CMIP: variants seen among roughly 807,000 people sequenced by gnomAD.
The protein encoded by CMIP is C-Maf-inducing protein.
In CMIP, 13 loss-of-function variants were observed where a neutral mutation model predicts 97.3. That is an observed-to-expected ratio of 0.13 (90% CI 0.09 to 0.21). CMIP has a LOEUF of 0.21. Among genes scored for constraint, CMIP ranks in the 10% least tolerant of loss-of-function variants. The probability of loss-of-function intolerance (pLI) is 1.00; values close to 1 mark genes in which losing one functional copy is unlikely to be tolerated. For synonymous variants in CMIP, 538 were observed against 436.3 expected, an observed-to-expected ratio of 1.23 and a Z score of -2.91; for missense variants, 847 against 1,024.9, an observed-to-expected ratio of 0.83 and a Z score of 2.37.
chr16:81,492,906 C>G (rs1185397737), intron 1 of CMIP, among the ~76,000 whole-genome samples: 1 of 151,966 alleles, frequency 6.6e-6, no homozygotes, highest in African/African-American at 2.4e-5. Flanking sequence ...CCCAGAAAGA[C>G]AGACACACAG....
chr16:81,450,749 A>G (rs777881315), intron 1 of CMIP, among the ~76,000 whole-genome samples: 11 of 152,234 alleles, frequency 7.2e-5, no homozygotes, highest in Non-Finnish European at 1.3e-4. Context: ...GGCGTAGTCT[A>G]GTTTCTTAAA....
At chr16:81,589,404 G>A (rs972877901) in intron 1 of CMIP, among the ~76,000 whole-genome samples, 7 of 151,986 alleles carry the variant, frequency 4.6e-5, no homozygotes, top group Non-Finnish European at 1.0e-4. Flanking sequence ...GCCTTGTCTT[G>A]CTTTTCAACA....
intron 1 of CMIP, among the ~76,000 whole-genome samples, chr16:81,577,813 C>T (rs1366727073): frequency 7.2e-6 from 1 of 139,210 alleles, no homozygotes; most frequent in African/African-American, 3.1e-5. Flanking sequence ...ACCGTCATCC[C>T]CATTACCACT....
intron 4 of CMIP, among the ~76,000 whole-genome samples, chr16:81,654,862 CA>C (rs2092465935): frequency 6.6e-6 from 1 of 150,670 alleles, no homozygotes; most frequent in Non-Finnish European, 1.5e-5. Flanking sequence ...GACTTTCTGG[CA>C]AGTATGTAAC....
intron 1 of CMIP, among the ~76,000 whole-genome samples, chr16:81,585,170 T>G (rs958096524): frequency 6.6e-6 from 1 of 152,184 alleles, no homozygotes; most frequent in African/African-American, 2.4e-5. Context: ...GGCAAAACCC[T>G]GTCTCTACTA....
rs1411695532 is a variant in CMIP, at chr16:81,445,203, C to A, written c.-39C>A. ...CGCCGCCCCAGCAGCCCAGGACAGC[C>A]CCCTCTCCCCGCCCCCAGCCCCCTC... On this transcript the variant is annotated 5_prime_UTR_variant, in exon 1 of 21. Transcript: ENST00000537098. 16 of 1,405,436 alleles carry A rather than the reference C, an allele frequency of 1.1e-5. No individual in the cohort carries two copies. Among genetic ancestry groups the A allele is most frequent in the Middle Eastern group, 5.1e-4 (2 of 3,956 alleles). 87.1% of individuals were successfully genotyped at this position (1,405,436 alleles called of 1,614,324 possible). A position where few individuals can be genotyped will look rare whatever the true frequency, so the allele number is the denominator to read the frequency against.
chr16:81,455,315 T>A (rs1391444754), intron 1 of CMIP, among the ~76,000 whole-genome samples: 1 of 152,186 alleles, frequency 6.6e-6, no homozygotes, highest in Non-Finnish European at 1.5e-5. Context: ...TTATCAGTGA[T>A]CCGTACAACC....
intron 2 of CMIP, among the ~76,000 whole-genome samples, chr16:81,613,328 C>G: frequency 7.1e-6 from 1 of 141,596 alleles, no homozygotes; most frequent in South Asian, 2.2e-4. Context: ...CAGAGGAGCT[C>G]AGATGCATTG....
chr16:81,691,529 G>T, intron 10 of CMIP: 2 of 568,990 alleles, frequency 3.5e-6, no homozygotes, highest in South Asian at 4.1e-5. Flanking sequence ...GTGAAGTCTG[G>T]GGAATAGACA....
intron 1 of CMIP, among the ~76,000 whole-genome samples, chr16:81,532,918 T>C (rs2150825637): frequency 6.6e-6 from 1 of 152,268 alleles, no homozygotes; most frequent in African/African-American, 2.4e-5. Flanking sequence ...GGCTGCCTCC[T>C]TGGACACGCC....
intron 1 of CMIP, among the ~76,000 whole-genome samples, chr16:81,596,001 A>C (rs2150925454): frequency 6.6e-6 from 1 of 152,292 alleles, no homozygotes; most frequent in East Asian, 1.9e-4. Context: ...TAGTGGTGTA[A>C]GCAGGTTTCA....
chr16:81,648,272 T>A (rs970327687), intron 3 of CMIP, among the ~76,000 whole-genome samples: 1 of 151,958 alleles, frequency 6.6e-6, no homozygotes, highest in Non-Finnish European at 1.5e-5. Flanking sequence ...CCTTTCTAGC[T>A]GCTTGACTCT....
At chr16:81,607,754 T>C (rs1433102713) in intron 2 of CMIP, 62 bp downstream of exon 2, 2 of 1,574,914 alleles carry the variant, frequency 1.3e-6, no homozygotes, top group African/African-American at 2.7e-5. Flanking sequence ...CTTGTGCCCC[T>C]CGTTTCCCTT....
At position 81,705,592 on chromosome 16, in the gene CMIP, C is replaced by G. The variant is rs1908040360; in HGVS notation, c.2185C>G (p.Leu729Val). Residue 729 changes from leucine to valine, a missense_variant, in exon 19 of 21, where the codon CTG becomes GTG. Leu to Val is a conservative substitution (Grantham distance 32). Around this residue, in one of 4 missense-constraint regions of CMIP, gnomAD observed 266 missense variants for 384.2 expected, o/e 0.69. Coordinates refer to ENST00000537098, the MANE Select transcript of CMIP (RefSeq NM_198390.3). ...GACCCCGGTCACAGACGCTGGCCTG[C>G]TGGCCCTGAGCTGTGAGTGCCTCCG... Reference protein sequence around the residue: ...CETPVTDAGLLALSSMKSLCS... With the variant: ...CETPVTDAGLVALSSMKSLCS... 6.2e-7 allele frequency: 1 copy of G among 1,601,380 alleles called. No individual in the cohort carries two copies. The highest frequency in any genetic ancestry group is 1.3e-5 in the African/African-American group (1 of 74,730).
At chr16:81,702,122 A>T (rs1353830487) in intron 16 of CMIP, among the ~76,000 whole-genome samples, 2 of 152,076 alleles carry the variant, frequency 1.3e-5, no homozygotes, top group Non-Finnish European at 2.9e-5. Flanking sequence ...TTGCTGAAGG[A>T]CTTTGTATGT....
At chr16:81,645,226 T>A (rs2092350520) in intron 3 of CMIP, 1 of 462,544 alleles carries the variant, frequency 2.2e-6, no homozygotes, top group Non-Finnish European at 3.4e-6. Flanking sequence ...TGGAAAAAGT[T>A]TTCAAAGCCG....
chr16:81,537,554 A>C lies in CMIP; in HGVS notation c.301-70013A>C, dbSNP rs1430062648. On this transcript the variant is annotated intron_variant, in intron 1 of 20. Transcript: ENST00000537098. Reference sequence around the variant, plus strand: ...CGTCTCCAAAAAAAAGACAAAAAAAAAAAAAAAAAAAAAAAAAGACCCAAA... The same window carrying C: ...CGTCTCCAAAAAAAAGACAAAAAAACAAAAAAAAAAAAAAAAAGACCCAAA... 8.9e-5 allele frequency among the ~76,000 whole-genome samples: 12 copies of C among 134,468 alleles called. No homozygotes were observed. The South Asian group carries it at 2.2e-3, about 25-fold the overall frequency. 88.2% of individuals were successfully genotyped at this position (134,468 alleles called of 152,430 possible). A position where few individuals can be genotyped will look rare whatever the true frequency, so the allele number is the denominator to read the frequency against.
rs886440643 is a variant in CMIP at position 81,627,855 on chromosome 16, C to T, written c.477+6929C>T. Among the ~76,000 whole-genome samples the T allele has an allele frequency of 2.0e-5, 3 of 152,148 alleles. No individual in the cohort carries two copies. The highest frequency in any genetic ancestry group is 7.2e-5 in the African/African-American group (3 of 41,422). ...TTCCATGTTCTGTGTTGGGAGCTGG[C>T]GCTGGGGGACCACAACCCTCAAAGT... On this transcript the variant is annotated intron_variant, in intron 3 of 20. Coordinates refer to ENST00000537098, the MANE Select transcript of CMIP (RefSeq NM_198390.3). The surrounding 1 kb of genome is among the most constrained non-coding windows in gnomAD (Gnocchi z 4.6).
In CMIP at chr16:81,655,208, C is replaced by T. The variant is rs918491126; in HGVS notation, c.640-2567C>T. ...AAAACAAACATCTGCCTTCGACCTC[C>T]GTGCCCTGTTTTGGGGCTGGGTTGT... is the stretch of plus-strand genomic sequence containing the variant. On this transcript the variant is annotated intron_variant, in intron 4 of 20. Transcript: ENST00000537098. This position sits in a 1 kb window ranked among gnomAD's most constrained non-coding sequence, Gnocchi z 4.9. Among the ~76,000 whole-genome samples, 4 of 152,150 alleles carry T rather than the reference C, an allele frequency of 2.6e-5. No individual in the cohort carries two copies. The highest frequency in any genetic ancestry group is 5.9e-5 in the Non-Finnish European group (4 of 68,036).
Sources: allele counts gnomAD v4.1 joint callset (sites outside exome capture counted in the v4.1 genomes callset), GRCh38; gene constraint gnomAD v4.1.1; regional missense constraint gnomAD v4.1.1; non-coding constraint Gnocchi (gnomAD v3.1); transcripts MANE v1.5; gene names NCBI Gene and HGNC (gene_info 2026-07-23, HGNC 2026-07-21).